LMF1: variants seen among roughly 807,000 people sequenced by gnomAD.
LMF1 encodes the protein transmembrane protein 112.
Under a neutral mutation model 60.6 loss-of-function variants are expected in LMF1, and 68 were observed. The ratio of observed to expected loss-of-function variants is 1.12; its 90% CI spans 0.92 to 1.37. LMF1 has a LOEUF of 1.37. LMF1 is among the 40% of genes most tolerant of loss of function. The pLI is 0.00. For missense variants in LMF1, 948 were observed against 767.2 expected (o/e 1.24, Z -2.78); for synonymous variants, 418 against 324.7 (o/e 1.29, Z -3.09).
chr16:856,888 G>A (rs1043181787), intron 10 of LMF1, among the ~76,000 whole-genome samples: 2 of 152,216 alleles, frequency 1.3e-5, no homozygotes, highest in South Asian at 2.1e-4. Context: ...AGTAGGGATT[G>A]CAGCCAGGGC....
chr16:876,930 G>A (rs976579958), intron 6 of LMF1, among the ~76,000 whole-genome samples: 1 of 152,318 alleles, frequency 6.6e-6, no homozygotes, highest in South Asian at 2.1e-4. Flanking sequence ...GTGGAAATAC[G>A]TCCAAATATG....
chr16:922,369 G>A (rs1338841786), intron 3 of LMF1, among the ~76,000 whole-genome samples: 1 of 152,232 alleles, frequency 6.6e-6, no homozygotes, highest in Non-Finnish European at 1.5e-5. Flanking sequence ...TGGTAGCCAG[G>A]TAGGCAGAAT....
intron 1 of LMF1, 69 bp from the exon 2 acceptor site, chr16:954,735 T>C: frequency 2.7e-6 from 4 of 1,456,812 alleles, no homozygotes; most frequent in Non-Finnish European, 3.7e-6. Flanking sequence ...TGGGCGCAGC[T>C]CAGAATGCGG....
intron 4 of LMF1, among the ~76,000 whole-genome samples, chr16:905,443 T>C (rs2070951640): frequency 6.6e-6 from 1 of 152,188 alleles, no homozygotes. Flanking sequence ...AGTATCTCAG[T>C]TTAATTTCAG....
At chr16:885,981 G>C (rs545479544) in intron 5 of LMF1, among the ~76,000 whole-genome samples, 1 of 152,284 alleles carries the variant, frequency 6.6e-6, no homozygotes, top group African/African-American at 2.4e-5. Flanking sequence ...AATTTTAAAA[G>C]ACTCAAGGCA....
At chr16:981,118 G>A (rs1042751550) in intron 1 of LMF1, 2 of 416,918 alleles carry the variant, frequency 4.8e-6, no homozygotes, top group Non-Finnish European at 9.7e-6. Context: ...CCCCAGCTCC[G>A]AGCCGCGGCC....
At chr16:974,561 C>T (rs937780537), upstream of LMF1, among the ~76,000 whole-genome samples, 10 of 152,196 alleles carry the variant, frequency 6.6e-5, no homozygotes, top group South Asian at 2.1e-4. Flanking sequence ...CCCAAGAGCA[C>T]GCAGGCTGAA....
Position 918,161 on chromosome 16 carries a change from A to G in LMF1, c.515-7082T>C, listed in dbSNP as rs187326758. Reference sequence around the variant, plus strand: ...CTTTAGATAAAATTACGTTAACTGCACGCTCTCAGTTATGAGGAATTTCGT... The same window carrying G: ...CTTTAGATAAAATTACGTTAACTGCGCGCTCTCAGTTATGAGGAATTTCGT... On this transcript the variant is annotated intron_variant, in intron 3 of 10. Coordinates refer to ENST00000262301, the MANE Select transcript of LMF1 (RefSeq NM_022773.4). 3.1e-3 allele frequency among the ~76,000 whole-genome samples: 473 copies of G among 152,342 alleles called. 3 individuals carry two copies. The highest frequency in any genetic ancestry group is 0.011 in the African/African-American group (444 of 41,584).
At chr16:870,905 C>T (rs1370200769) in intron 7 of LMF1, 23 bp from the exon 8 acceptor site, 3 of 1,587,946 alleles carry the variant, frequency 1.9e-6, no homozygotes, top group Non-Finnish European at 2.6e-6. Flanking sequence ...TGACATCTTC[C>T]AGGTGGGGCT....
At chr16:870,572 T>A (rs2069753449) in intron 8 of LMF1, among the ~76,000 whole-genome samples, 157 bp downstream of exon 8, 1 of 152,098 alleles carries the variant, frequency 6.6e-6, no homozygotes, top group Non-Finnish European at 1.5e-5. Flanking sequence ...GGCCCGGTAG[T>A]GGGGACAGCA....
intron 2 of LMF1, among the ~76,000 whole-genome samples, chr16:937,399 T>A (rs1431981100): frequency 1.3e-5 from 2 of 152,208 alleles, no homozygotes; most frequent in Non-Finnish European, 1.5e-5. Flanking sequence ...TGGTCGGGGT[T>A]AACACGCTCC....
intron 1 of LMF1, chr16:980,334 G>C (rs1339021440): frequency 6.4e-6 from 1 of 155,212 alleles, no homozygotes; most frequent in Admixed American, 6.4e-5. Flanking sequence ...GGCCAGAACA[G>C]GGGGTAGGAG....
intron 3 of LMF1, among the ~76,000 whole-genome samples, chr16:926,034 CTGTGTGCGCA>C (rs1161886826): frequency 6.7e-6 from 1 of 149,704 alleles, no homozygotes; most frequent in Non-Finnish European, 1.5e-5. Flanking sequence ...GTCTGCATAC[CTGTGTGCGCA>C]TGTGTGCACA....
At chr16:955,420 A>G (rs2072668622) in intron 1 of LMF1, among the ~76,000 whole-genome samples, 1 of 146,892 alleles carries the variant, frequency 6.8e-6, no homozygotes, top group Non-Finnish European at 1.5e-5. Context: ...ATGTAAGTGA[A>G]CCAGACACGT....
intron 1 of LMF1, among the ~76,000 whole-genome samples, chr16:965,541 G>C (rs979389454): frequency 6.6e-6 from 1 of 152,226 alleles, no homozygotes; most frequent in Non-Finnish European, 1.5e-5. Context: ...GGGAGAAGAA[G>C]AGTCAGATGC....
Position 912,296 on chromosome 16 carries a change from G to A in LMF1, c.515-1217C>T, listed in dbSNP as rs545595977. Reference sequence around the variant, plus strand: ...GGAGGGGAAGCGGACGGAGGCTTGTGGGGGCAGTGTCTACCTGCCACAGAG... The same window carrying A: ...GGAGGGGAAGCGGACGGAGGCTTGTAGGGGCAGTGTCTACCTGCCACAGAG... On this transcript the variant is annotated intron_variant, in intron 3 of 10. Transcript: ENST00000262301. 2.4e-4 allele frequency among the ~76,000 whole-genome samples: 37 copies of A among 152,208 alleles called. No individual in the cohort carries two copies. In the South Asian group the frequency reaches 4.4e-3, roughly 18 times the overall value.
chr16:967,222 G>A (rs951242749), intron 1 of LMF1, among the ~76,000 whole-genome samples: 9 of 152,210 alleles, frequency 5.9e-5, no homozygotes, highest in African/African-American at 1.9e-4. Context: ...TCAAGGAGCC[G>A]GCCTGGCTGA....
At chr16:937,076 C>A (rs1187328854) in intron 2 of LMF1, among the ~76,000 whole-genome samples, 4 of 152,156 alleles carry the variant, frequency 2.6e-5, no homozygotes, top group Non-Finnish European at 5.9e-5. Context: ...AGGGGTGAGT[C>A]CAGACGCAGC....
intron 1 of LMF1, among the ~76,000 whole-genome samples, chr16:969,659 G>C (rs1273278573): frequency 6.6e-6 from 1 of 152,240 alleles, no homozygotes; most frequent in South Asian, 2.1e-4. Flanking sequence ...CAACCAACGC[G>C]TGGGCAACGC....
Sources: gnomAD v4.1 joint callset for allele counts (sites outside exome capture counted in the v4.1 genomes callset) on GRCh38, gnomAD v4.1.1 for gene constraint, MANE v1.5 for transcripts, NCBI Gene and HGNC (gene_info 2026-07-23, HGNC 2026-07-21) for gene names.